UBAC2: variants seen among roughly 807,000 people sequenced by gnomAD.
UBAC2 encodes the protein ubiquitin-associated domain-containing protein 2.
A neutral mutation model predicts 44.0 loss-of-function variants in UBAC2; 26 were observed. The ratio of observed to expected loss-of-function variants is 0.59; its 90% confidence interval spans 0.43 to 0.82. The LOEUF (loss-of-function observed/expected upper bound fraction) is 0.82. UBAC2 is among the 40% of genes least tolerant of loss of function. The probability of loss-of-function intolerance (pLI) is 0.00; values close to 1 mark genes in which losing one functional copy is unlikely to be tolerated. For missense variants in UBAC2, 329 were observed against 419.4 expected (o/e 0.78, Z 1.88); for synonymous variants, 155 against 154.3 (o/e 1.00, Z -0.04).
intron 1 of UBAC2, among the ~76,000 whole-genome samples, chr13:99,236,301 C>A (rs979030096): frequency 1.3e-5 from 2 of 152,182 alleles, no homozygotes; most frequent in Non-Finnish European, 2.9e-5. Context: ...GCAATACTTG[C>A]AGATTAATCC....
chr13:99,375,227 C>T (rs1346160132), intron 8 of UBAC2, among the ~76,000 whole-genome samples: 1 of 151,978 alleles, frequency 6.6e-6, no homozygotes, highest in Admixed American at 6.6e-5. Flanking sequence ...CAGCCCAGAA[C>T]GCTGGCAGGG....
At chr13:99,210,385 A>G (rs1445721027) in intron 1 of UBAC2, among the ~76,000 whole-genome samples, 3 of 152,172 alleles carry the variant, frequency 2.0e-5, no homozygotes, top group Admixed American at 2.0e-4. Flanking sequence ...ATTTATCTCA[A>G]TACTATTTTC....
At chr13:99,210,279 G>A (rs780513949) in intron 1 of UBAC2, among the ~76,000 whole-genome samples, 1 of 152,180 alleles carries the variant, frequency 6.6e-6, no homozygotes, top group Non-Finnish European at 1.5e-5. Flanking sequence ...ATGTAGGAAA[G>A]CACTAGGAAG....
At chr13:99,214,929 G>A (rs2042974330) in intron 1 of UBAC2, among the ~76,000 whole-genome samples, 1 of 151,846 alleles carries the variant, frequency 6.6e-6, no homozygotes, top group Non-Finnish European at 1.5e-5. Context: ...CAGCCCAGCA[G>A]TAAACATCAT....
At chr13:99,308,133 G>A (rs887419267) in intron 4 of UBAC2, among the ~76,000 whole-genome samples, 2 of 152,200 alleles carry the variant, frequency 1.3e-5, no homozygotes, top group African/African-American at 4.8e-5. Flanking sequence ...TCAGAATGCA[G>A]TTTATTTGTA....
intron 4 of UBAC2, among the ~76,000 whole-genome samples, chr13:99,249,114 A>G (rs2043425647): frequency 6.6e-6 from 1 of 152,062 alleles, no homozygotes; most frequent in Non-Finnish European, 1.5e-5. Context: ...GGTACAGATG[A>G]TCCTGTCACC....
chr13:99,303,510 CAT>C (rs1159906800), intron 4 of UBAC2, among the ~76,000 whole-genome samples: 2 of 152,134 alleles, frequency 1.3e-5, no homozygotes, highest in Non-Finnish European at 2.9e-5. Flanking sequence ...ATGAAGATGA[CAT>C]ATGTTTAGAG....
chr13:99,215,657 A>T, intron 1 of UBAC2: 2 of 1,425,134 alleles, frequency 1.4e-6, no homozygotes, highest in South Asian at 2.5e-5. Context: ...TCAGGTGTTG[A>T]TGAATACAGC....
intron 7 of UBAC2, among the ~76,000 whole-genome samples, chr13:99,367,472 G>C (rs1279828398): frequency 5.4e-4 from 82 of 152,324 alleles, no homozygotes; most frequent in Non-Finnish European, 9.0e-4. Flanking sequence ...ACAGTCAGTG[G>C]CGTCACAGTC....
At chr13:99,249,829 T>C (rs1328872596) in intron 4 of UBAC2, among the ~76,000 whole-genome samples, 2 of 152,166 alleles carry the variant, frequency 1.3e-5, no homozygotes, top group Non-Finnish European at 2.9e-5. Flanking sequence ...TGATTACCTT[T>C]GAGCATTTTT....
At chr13:99,230,127 T>G (rs2043155973) in intron 1 of UBAC2, among the ~76,000 whole-genome samples, 1 of 152,230 alleles carries the variant, frequency 6.6e-6, no homozygotes, top group African/African-American at 2.4e-5. Flanking sequence ...TTTAGTGTAC[T>G]GTTGCTTCTC....
intron 6 of UBAC2, among the ~76,000 whole-genome samples, chr13:99,327,777 A>G (rs907332332): frequency 1.3e-5 from 2 of 152,178 alleles, no homozygotes; most frequent in Admixed American, 6.5e-5. Context: ...TAAAAGATTT[A>G]TGTATCTATT....
At chr13:99,365,075 C>G (rs960802816) in intron 7 of UBAC2, among the ~76,000 whole-genome samples, 1 of 152,168 alleles carries the variant, frequency 6.6e-6, no homozygotes, top group African/African-American at 2.4e-5. Context: ...ATAAGTTATA[C>G]TTTTCTAGAA....
chr13:99,210,529 G>C (rs888710564), intron 1 of UBAC2, among the ~76,000 whole-genome samples: 2 of 144,902 alleles, frequency 1.4e-5, no homozygotes, highest in Admixed American at 7.1e-5. Context: ...CCATGCTGGA[G>C]TGCAATGGTG....
intron 4 of UBAC2, among the ~76,000 whole-genome samples, chr13:99,287,632 T>C (rs2044035142): frequency 1.7e-5 from 2 of 115,848 alleles, no homozygotes; most frequent in Non-Finnish European, 3.8e-5. Context: ...TTTCTTCTTT[T>C]TTTTTTCTTT....
intron 1 of UBAC2, among the ~76,000 whole-genome samples, chr13:99,235,503 G>A (rs1207778495): frequency 6.6e-6 from 1 of 152,118 alleles, no homozygotes; most frequent in African/African-American, 2.4e-5. Context: ...ACAAGGTGAA[G>A]TATCATACTG....
At chr13:99,228,431 G>C (rs1381169803) in intron 1 of UBAC2, among the ~76,000 whole-genome samples, 1 of 151,342 alleles carries the variant, frequency 6.6e-6, no homozygotes, top group Non-Finnish European at 1.5e-5. Context: ...GGGATTACAG[G>C]CTCCCCCGCA....
rs138673822 is a variant in UBAC2 at position 99,223,207 on chromosome 13, A to T, written c.32-15220A>T. ...AGTAGTGATAAGAAATACATAACAT[A>T]AAACTTACTGTTTTAACTATTTTTA... is the stretch of plus-strand genomic sequence containing the variant. On this transcript the variant is annotated intron_variant, in intron 1 of 8. Transcript: ENST00000403766. Among the ~76,000 whole-genome samples, 493 of 152,330 alleles carry T rather than the reference A, an allele frequency of 3.2e-3. 2 individuals carry two copies. The highest frequency in any genetic ancestry group is 5.0e-3 in the Non-Finnish European group (340 of 68,016).
At chr13:99,210,237 A>C (rs2042922094) in intron 1 of UBAC2, among the ~76,000 whole-genome samples, 1 of 152,246 alleles carries the variant, frequency 6.6e-6, no homozygotes, top group Non-Finnish European at 1.5e-5. Context: ...CATCAGAGAC[A>C]ATTCTGTGAT....
Sources: gnomAD v4.1 joint callset for allele counts (sites outside exome capture counted in the v4.1 genomes callset) on GRCh38, gnomAD v4.1.1 for gene constraint, MANE v1.5 for transcripts, NCBI Gene and HGNC (gene_info 2026-07-23, HGNC 2026-07-21) for gene names.